SEM1: variants seen among roughly 807,000 people sequenced by gnomAD.
SEM1 encodes the protein SEM1 26S proteasome subunit.
Under a neutral mutation model 12.7 loss-of-function variants are expected in SEM1, and 3 were observed. The observed-to-expected ratio is 0.24, with a 90% CI of 0.11 to 0.61. The LOEUF (loss-of-function observed/expected upper bound fraction) is 0.61. Ranked by LOEUF, SEM1 falls within the 20% of genes least tolerant of loss-of-function variation. The pLI is 0.88. For missense variants in SEM1, 59 were observed against 81.3 expected (o/e 0.73, Z 1.06); for synonymous variants, 30 against 27.8 (o/e 1.08, Z -0.25).
At chr7:96,494,618 T>C (rs549586804) in intron 1 of SEM1, among the ~76,000 whole-genome samples, 2 of 152,236 alleles carry the variant, frequency 1.3e-5, no homozygotes, top group South Asian at 4.1e-4. Context: ...ACATGGGTGT[T>C]AGAATCACAA....
rs560791858 is a variant in SEM1, at chr7:96,491,815, A to AT, written c.12+4468dup. On this transcript the variant is annotated intron_variant, in intron 1 of 3. Coordinates refer to the SEM1 transcript ENST00000356686. ...GGGAAAAAGTTCAAATTGAAGAGTA[A>AT]TTTTTTTTAACTGTAAAGAAAACTA... Among the ~76,000 whole-genome samples, 933 of 152,118 alleles carry AT rather than the reference A, an allele frequency of 6.1e-3. 10 individuals carry two copies. Among genetic ancestry groups the AT allele is most frequent in the Non-Finnish European group, 6.6e-3 (447 of 68,004 alleles).
rs550342686 is a variant in SEM1, at chr7:96,494,595, C to A, written c.12+1689G>T. Among the ~76,000 whole-genome samples the A allele has an allele frequency of 2.6e-5, 4 of 152,236 alleles. No individual in the cohort carries two copies. In the South Asian group the frequency reaches 8.3e-4, roughly 32 times the overall value. ...TAACCCCAGAATCTGGCATGCCCTCCTCTTAGATTAGGACATGGGTGTTAG... is the reference window on the plus strand; with the variant it reads ...TAACCCCAGAATCTGGCATGCCCTCATCTTAGATTAGGACATGGGTGTTAG... On this transcript the variant is annotated intron_variant, in intron 1 of 3. Coordinates refer to the SEM1 transcript ENST00000356686.
At chr7:96,508,594 T>A (rs978203363) in intron 2 of SEM1, among the ~76,000 whole-genome samples, 2 of 152,164 alleles carry the variant, frequency 1.3e-5, no homozygotes, top group African/African-American at 4.8e-5. Flanking sequence ...GGAACATAAA[T>A]ACAGCCAATT....
chr7:96,585,786 T>C (rs1037122624), intron 2 of SEM1, among the ~76,000 whole-genome samples: 13 of 152,328 alleles, frequency 8.5e-5, no homozygotes, highest in African/African-American at 3.1e-4. Context: ...CCTGACCCCT[T>C]GCGCTTCCCG....
intron 2 of SEM1, among the ~76,000 whole-genome samples, chr7:96,645,051 CTGG>C (rs1563095607): frequency 6.6e-6 from 1 of 152,052 alleles, no homozygotes. Context: ...TTAAGCCTTT[CTGG>C]TACATATTCT....
At chr7:96,622,553 T>C, downstream of SEM1, 2 of 759,048 alleles carry the variant, frequency 2.6e-6, no homozygotes, top group Non-Finnish European at 4.8e-6. Flanking sequence ...ACCTTTGCCT[T>C]CTTTCTTATT....
intron 2 of SEM1, among the ~76,000 whole-genome samples, chr7:96,638,398 T>G (rs1314821128): frequency 6.6e-6 from 1 of 152,038 alleles, no homozygotes; most frequent in African/African-American, 2.4e-5. Flanking sequence ...TTACTTTACA[T>G]TTGATCTACC....
chr7:96,594,672 G>A (rs537062363), intron 2 of SEM1, among the ~76,000 whole-genome samples: 25 of 152,228 alleles, frequency 1.6e-4, no homozygotes, highest in African/African-American at 5.5e-4. Context: ...AACAAATTTG[G>A]TAAAATGTTT....
intron 2 of SEM1, among the ~76,000 whole-genome samples, chr7:96,548,897 A>G (rs1403560129): frequency 6.6e-6 from 1 of 152,176 alleles, no homozygotes; most frequent in Non-Finnish European, 1.5e-5. Flanking sequence ...CATGGGGTTT[A>G]CTCAGAACCT....
intron 2 of SEM1, among the ~76,000 whole-genome samples, chr7:96,570,518 CAT>C (rs1482868291): frequency 3.3e-5 from 5 of 152,150 alleles, no homozygotes; most frequent in African/African-American, 1.2e-4. Flanking sequence ...CTGCAAAGGA[CAT>C]AAACTCATCC....
At chr7:96,679,134 T>A (rs1332028273) in intron 2 of SEM1, among the ~76,000 whole-genome samples, 1 of 152,168 alleles carries the variant, frequency 6.6e-6, no homozygotes, top group East Asian at 1.9e-4. Flanking sequence ...TAATTTTGCA[T>A]ATGCCTTTTT....
chr7:96,501,261 G>A (rs192547606), upstream of SEM1, among the ~76,000 whole-genome samples: 26 of 152,248 alleles, frequency 1.7e-4, no homozygotes, highest in African/African-American at 5.8e-4. Flanking sequence ...CAGAGTTGAT[G>A]TTAAGTCCAC....
intron 1 of SEM1, among the ~76,000 whole-genome samples, chr7:96,492,759 ATGTGTG>A (rs138520257): frequency 0.085 from 12,093 of 142,862 alleles, 628 homozygotes; most frequent in South Asian, 0.17. Context: ...AATAATATTC[ATGTGTG>A]TGTGTGTGTG....
intron 1 of SEM1, 105 bp downstream of exon 1, chr7:96,709,583 A>G: frequency 9.1e-7 from 1 of 1,101,088 alleles, no homozygotes; most frequent in South Asian, 1.4e-5. Context: ...TGGGAGTCCA[A>G]ACTTCCCGCC....
exon 4 of SEM1, chr7:96,483,399 AGACTCTTC>A: frequency 5.9e-6 from 1 of 169,278 alleles, no homozygotes; most frequent in South Asian, 1.3e-4. Context: ...AGAAGTGGAA[AGACTCTTC>A]TGTTGTCAGG....
chr7:96,586,292 G>A (rs963413301), intron 2 of SEM1, among the ~76,000 whole-genome samples: 2 of 152,190 alleles, frequency 1.3e-5, no homozygotes, highest in African/African-American at 4.8e-5. Flanking sequence ...GCCAGTGGTA[G>A]GAAGGATTCT....
chr7:96,589,178 C>T (rs2116123785), intron 2 of SEM1, among the ~76,000 whole-genome samples: 1 of 152,290 alleles, frequency 6.6e-6, no homozygotes, highest in Non-Finnish European at 1.5e-5. Context: ...CTGCCCTCTG[C>T]TGCCTTCCCA....
intron 2 of SEM1, among the ~76,000 whole-genome samples, chr7:96,646,775 G>C (rs1483167947): frequency 6.6e-6 from 1 of 152,094 alleles, no homozygotes. Context: ...AGATACAATT[G>C]GATCCCCATG....
intron 1 of SEM1, among the ~76,000 whole-genome samples, chr7:96,707,569 T>A (rs1321830402): frequency 6.6e-6 from 1 of 152,260 alleles, no homozygotes; most frequent in Non-Finnish European, 1.5e-5. Flanking sequence ...CCATAAATGG[T>A]CAATTACTTA....
Sources: allele counts gnomAD v4.1 joint callset (sites outside exome capture counted in the v4.1 genomes callset), GRCh38; gene constraint gnomAD v4.1.1; transcripts MANE v1.5; gene names NCBI Gene and HGNC (gene_info 2026-07-23, HGNC 2026-07-21).